ADAMTS16: variants seen among roughly 807,000 people sequenced by gnomAD.
The protein encoded by ADAMTS16 is A disintegrin and metalloproteinase with thrombospondin motifs 16.
In ADAMTS16, 94 loss-of-function variants were observed where a neutral mutation model predicts 145.8. The ratio of observed to expected loss-of-function variants is 0.64; its 90% CI spans 0.55 to 0.77. The LOEUF is 0.77. Ranked by LOEUF, ADAMTS16 falls within the 30% of genes least tolerant of loss-of-function variation. The pLI is 0.00. For missense variants in ADAMTS16, 1,585 were observed against 1,591.5 expected, an observed-to-expected ratio of 1.00 and a Z score of 0.07; for synonymous variants, 659 against 604.3, an observed-to-expected ratio of 1.09 and a Z score of -1.33.
chr5:5,188,938 G>T (rs1321565408), intron 6 of ADAMTS16, among the ~76,000 whole-genome samples: 2 of 152,104 alleles, frequency 1.3e-5, no homozygotes, highest in East Asian at 1.9e-4. Flanking sequence ...AATAAGCGAG[G>T]TTATCGTTTG....
intron 3 of ADAMTS16, among the ~76,000 whole-genome samples, chr5:5,147,851 T>C (rs997750265): frequency 2.6e-5 from 4 of 152,146 alleles, no homozygotes; most frequent in African/African-American, 7.2e-5. Flanking sequence ...ATTTTGGATT[T>C]GGTTGTGGAA....
Position 5,242,163 on chromosome 5 carries a change from C to T in ADAMTS16, c.2634C>T (p.Arg878=), listed in dbSNP as rs2126391873. 6.2e-7 allele frequency: 1 copy of T among 1,614,142 alleles called. No homozygotes were observed. Among genetic ancestry groups the T allele is most frequent in the South Asian group, 1.1e-5 (1 of 91,078 alleles). Residue 878 remains arginine, a synonymous_variant, in exon 17 of 23, where the codon CGC becomes CGT. Transcript: ENST00000274181. ...AQPSYTWAIV[R]SECSVSCGGG... Reference sequence around the variant, plus strand: ...CCAGCTACACTTGGGCCATCGTGCGCTCTGAGTGCTCCGTGTCCTGCGGAG... The same window carrying T: ...CCAGCTACACTTGGGCCATCGTGCGTTCTGAGTGCTCCGTGTCCTGCGGAG...
intron 3 of ADAMTS16, among the ~76,000 whole-genome samples, chr5:5,146,994 G>T (rs1300905504): frequency 1.3e-5 from 2 of 152,126 alleles, no homozygotes; most frequent in Admixed American, 6.5e-5. Flanking sequence ...ATCCAGGGGT[G>T]CATTCCCCAT....
chr5:5,166,731 T>C (rs908072342), intron 3 of ADAMTS16, among the ~76,000 whole-genome samples: 2 of 152,192 alleles, frequency 1.3e-5, no homozygotes, highest in Non-Finnish European at 2.9e-5. Context: ...GTCCCTTCCA[T>C]AGGATGAGCT....
intron 3 of ADAMTS16, among the ~76,000 whole-genome samples, chr5:5,173,385 T>C (rs1735100674): frequency 6.6e-6 from 1 of 152,044 alleles, no homozygotes; most frequent in African/African-American, 2.4e-5. Context: ...TGTTTGAATT[T>C]CTTGCTTTTT....
rs1214497749 is a variant in ADAMTS16 at position 5,310,360 on chromosome 5, C to T, written c.3411+3632C>T. Among the ~76,000 whole-genome samples, 1 of 152,166 alleles carries T rather than the reference C, an allele frequency of 6.6e-6. No individual in the cohort carries two copies. The highest frequency in any genetic ancestry group is 2.4e-5 in the African/African-American group (1 of 41,440). On this transcript the variant is annotated intron_variant, in intron 21 of 22. Transcript: ENST00000274181. The surrounding 1 kb of genome is among the most constrained non-coding windows in gnomAD (Gnocchi z 4.3). ...GTCATCTCTCCTCTGGAGAGGGACC[C>T]CACACTGTGTCTCATTGGCAGCGTC...
At chr5:5,206,313 C>T (rs111497025) in intron 9 of ADAMTS16, among the ~76,000 whole-genome samples, 2,648 of 140,436 alleles carry the variant, frequency 0.019, 102 homozygotes, top group African/African-American at 0.067. Flanking sequence ...GTAGTCCCAG[C>T]TACTTGGGAG....
At chr5:5,164,624 C>A (rs1156256185) in intron 3 of ADAMTS16, among the ~76,000 whole-genome samples, 3 of 152,200 alleles carry the variant, frequency 2.0e-5, no homozygotes. Context: ...GCCCTGGGCT[C>A]ACCGTGTCCT....
At chr5:5,305,919 C>T (rs1579408324) in intron 20 of ADAMTS16, among the ~76,000 whole-genome samples, 1 of 152,246 alleles carries the variant, frequency 6.6e-6, no homozygotes, top group Non-Finnish European at 1.5e-5. Flanking sequence ...TCCTGCCTGG[C>T]CTGCTCGTTT....
chr5:5,254,998 A>G (rs2126415796), intron 17 of ADAMTS16, among the ~76,000 whole-genome samples: 1 of 152,294 alleles, frequency 6.6e-6, no homozygotes, highest in Non-Finnish European at 1.5e-5. Flanking sequence ...TGAAGGAGTT[A>G]GATCTTTGAT....
intron 17 of ADAMTS16, among the ~76,000 whole-genome samples, chr5:5,255,039 G>T (rs909037054): frequency 6.6e-6 from 1 of 151,978 alleles, no homozygotes; most frequent in Non-Finnish European, 1.5e-5. Context: ...ATGGTAATTG[G>T]ACTACTTAGA....
At chr5:5,181,605 T>C (rs552149204) in intron 3 of ADAMTS16, among the ~76,000 whole-genome samples, 15 of 152,368 alleles carry the variant, frequency 9.8e-5, no homozygotes, top group Middle Eastern at 3.4e-3. Context: ...TCAAATTCGT[T>C]TTAACAGAGT....
At chr5:5,215,874 A>G (rs200212021) in intron 10 of ADAMTS16, among the ~76,000 whole-genome samples, 17,429 of 44,824 alleles carry the variant, frequency 0.39, 1,746 homozygotes, top group East Asian at 0.62. Context: ...GTATGTGTAT[A>G]TATATATATA....
intron 17 of ADAMTS16, among the ~76,000 whole-genome samples, chr5:5,249,599 T>C (rs1319814347): frequency 6.6e-6 from 1 of 152,058 alleles, no homozygotes; most frequent in African/African-American, 2.4e-5. Context: ...GGCCCTGCAG[T>C]AGCATCCAAG....
At chr5:5,242,308 G>A (rs917475477) in intron 17 of ADAMTS16, 117 bp downstream of exon 17, 34 of 1,370,908 alleles carry the variant, frequency 2.5e-5, no homozygotes, top group Non-Finnish European at 3.3e-5. Flanking sequence ...CCTGCCAGTA[G>A]CAGTGACATT....
intron 17 of ADAMTS16, among the ~76,000 whole-genome samples, chr5:5,242,757 A>G (rs957590629): frequency 6.6e-6 from 1 of 152,256 alleles, no homozygotes; most frequent in South Asian, 2.1e-4. Context: ...TTCATACTGT[A>G]AACAATGGAA....
At chr5:5,222,981 A>G in intron 11 of ADAMTS16, 97 bp downstream of exon 11, 5 of 1,035,976 alleles carry the variant, frequency 4.8e-6, no homozygotes, top group Non-Finnish European at 7.5e-6. Flanking sequence ...TAAAACATGT[A>G]TTTCTCATAT....
Position 5,140,736 on chromosome 5 carries a change from G to C in ADAMTS16, c.145G>C (p.Ala49Pro), listed in dbSNP as rs1028876790. 5 of 1,569,480 alleles carry C rather than the reference G, an allele frequency of 3.2e-6. No homozygotes were observed. Among genetic ancestry groups the C allele is most frequent in the Non-Finnish European group, 4.3e-6 (5 of 1,158,930 alleles). Residue 49 changes from alanine to proline, a missense_variant, in exon 2 of 23, where the codon GCG becomes CCG. This residue lies in a region of ADAMTS16 where 453 missense variants were observed against 412.1 expected (regional missense o/e 1.10). Transcript: ENST00000274181. ...SPSVPRPPPP[A>P]ERPGWMEKGE... ...GAGCGTCCCGCGTCCTCCTCCACCC[G>C]CGGAGCGGCCGGGCTGGATGGAAAA... is the stretch of plus-strand genomic sequence containing the variant.
Position 5,186,078 on chromosome 5 carries a change from C to A in ADAMTS16, c.790C>A (p.Leu264Ile). 1 of 1,613,864 alleles carries A rather than the reference C, an allele frequency of 6.2e-7. No homozygotes were observed. Among genetic ancestry groups the A allele is most frequent in the Non-Finnish European group, 8.5e-7 (1 of 1,180,002 alleles). The change falls in exon 5 of 23, where the codon CTC (leucine) becomes ATC (isoleucine). Residue 264 changes from leucine to isoleucine, a missense_variant. By Grantham distance (5) the Leu-to-Ile change is conservative. Around this residue, in one of 3 missense-constraint regions of ADAMTS16, gnomAD observed 453 missense variants for 412.1 expected, o/e 1.10. Transcript: ENST00000274181. ...KYMPQPPKEDLFILPDEYKSC... is the reference protein window; with the variant it reads ...KYMPQPPKEDIFILPDEYKSC... The stretch of plus-strand genomic sequence containing the variant: ...CATGCCCCAGCCTCCCAAGGAAGAC[C>A]TCTTCATCTTGCCAGATGAGTATAA...
Sources: gnomAD v4.1 joint callset for allele counts (sites outside exome capture counted in the v4.1 genomes callset) on GRCh38, gnomAD v4.1.1 for gene constraint, gnomAD v4.1.1 regional missense constraint, Gnocchi (gnomAD v3.1) non-coding constraint, MANE v1.5 for transcripts, NCBI Gene and HGNC (gene_info 2026-07-23, HGNC 2026-07-21) for gene names.